ASXL1: variants seen among roughly 807,000 people sequenced by gnomAD.
ASXL1 encodes polycomb group protein ASXL1.
In ASXL1, 65 loss-of-function variants were observed where a neutral mutation model predicts 89.1. The observed-to-expected ratio is 0.73, with a 90% CI of 0.60 to 0.90. The LOEUF (loss-of-function observed/expected upper bound fraction) is 0.90. Ranked by LOEUF, ASXL1 falls within the 40% of genes least tolerant of loss-of-function variation. The probability of loss-of-function intolerance (pLI) is 0.00; values close to 1 mark genes in which losing one functional copy is unlikely to be tolerated. For missense variants in ASXL1, 1,786 were observed against 1,942.9 expected (o/e 0.92, Z 1.52); for synonymous variants, 739 against 746.9 (o/e 0.99, Z 0.17).
rs2123263611 is a variant in ASXL1 at position 32,433,654 on chromosome 20, G to C, written c.1456G>C (p.Val486Leu). The change falls in exon 12 of 13, where the codon GTG (valine) becomes CTG (leucine). Residue 486 changes from valine (V) to leucine (L), a missense_variant. Transcript: ENST00000375687. ...GGGTCCCGAATTCCCAGTTGAGTCTGTGGCTTCTCGGATCCAGGCTGAGCC... is the reference window on the plus strand; with the variant it reads ...GGGTCCCGAATTCCCAGTTGAGTCTCTGGCTTCTCGGATCCAGGCTGAGCC... ...LEGPEFPVESVASRIQAEPDN... is the reference protein window; with the variant it reads ...LEGPEFPVESLASRIQAEPDN... The C allele has an allele frequency of 6.2e-7, 1 of 1,611,824 alleles. No homozygotes were observed. Among genetic ancestry groups the C allele is most frequent in the Non-Finnish European group, 8.5e-7 (1 of 1,178,126 alleles).
chr20:32,394,588 C>A (rs1245418451), intron 4 of ASXL1, among the ~76,000 whole-genome samples: 1 of 152,210 alleles, frequency 6.6e-6, no homozygotes, highest in African/African-American at 2.4e-5. Context: ...TTACAAGAAC[C>A]TTATAGCAGT....
rs755464186 is a variant in ASXL1 at position 32,433,747 on chromosome 20, C to T, written c.1549C>T (p.Gln517Ter). 1.9e-6 allele frequency: 3 copies of T among 1,614,086 alleles called. No individual in the cohort carries two copies. Among genetic ancestry groups the T allele is most frequent in the Non-Finnish European group, 2.5e-6 (3 of 1,179,946 alleles). ...IPSLPQETVD[Q>*]EPKDQKRKSF... Reference sequence around the variant, plus strand: ...TAGCCTGCCTCAGGAAACTGTGGATCAGGAACCCAAGGATCAGAAGAGGAA... The same window carrying T: ...TAGCCTGCCTCAGGAAACTGTGGATTAGGAACCCAAGGATCAGAAGAGGAA... Residue 517 changes from glutamine (Q) to a stop codon, truncating the protein, a stop_gained, in exon 12 of 13, where the codon CAG (glutamine) becomes TAG (stop). Coordinates refer to ENST00000375687, the MANE Select transcript of ASXL1 (RefSeq NM_015338.6). LOFTEE classifies it high-confidence loss of function.
intron 1 of ASXL1, chr20:32,359,784 A>T (rs1174053423): frequency 7.0e-6 from 5 of 717,918 alleles, no homozygotes; most frequent in Non-Finnish European, 1.3e-5. Context: ...GCGTCAGAGG[A>T]CTTGCAGGTG....
rs2048748179 is a variant in ASXL1, at chr20:32,395,591, C to G, written c.252+26468C>G. Among the ~76,000 whole-genome samples, 3 of 152,128 alleles carry G rather than the reference C, an allele frequency of 2.0e-5. No individual in the cohort carries two copies. The South Asian group carries it at 6.2e-4, about 31-fold the overall frequency. On this transcript the variant is annotated intron_variant, in intron 4 of 12. Transcript: ENST00000375687. ...CTTGAAATATTTTTCTTTTGTACTT[C>G]CCCACCGCATCTGGAGTCTGTAATT...
In ASXL1 at chr20:32,437,059, G is replaced by A; in HGVS notation, c.4347G>A (p.Leu1449=). 6.2e-7 allele frequency: 1 copy of A among 1,614,136 alleles called. No homozygotes were observed. Among genetic ancestry groups the A allele is most frequent in the Non-Finnish European group, 8.5e-7 (1 of 1,180,038 alleles). The change falls in exon 13 of 13, where the codon CTG becomes CTA. Residue 1449 remains leucine, a synonymous_variant. Transcript: ENST00000375687. ...ATGGGAAGCTTTCTAAACTCCAACT[G>A]AGTTCCACCAGCTTTAATTATTCCT... ...AFYGKLSKLQ[L]SSTSFNYSSS... is the part of the protein sequence containing the mutation.
At position 32,433,779 on chromosome 20, in the gene ASXL1, T is replaced by A. The variant is rs777942161; in HGVS notation, c.1581T>A (p.Phe527Leu). 1 of 1,614,212 alleles carries A rather than the reference T, an allele frequency of 6.2e-7. No homozygotes were observed. Among genetic ancestry groups the A allele is most frequent in the East Asian group, 2.2e-5 (1 of 44,894 alleles). Reference protein sequence around the residue: ...QEPKDQKRKSFEQAASASFPE... With the variant: ...QEPKDQKRKSLEQAASASFPE... ...CCAAGGATCAGAAGAGGAAATCCTT[T>A]GAGCAGGCGGCCTCTGCATCCTTTC... Residue 527 changes from phenylalanine to leucine, a missense_variant, in exon 12 of 13, where the codon TTT becomes TTA. Around this residue, in one of 3 missense-constraint regions of ASXL1, gnomAD observed 1,418 missense variants for 1,427.8 expected, o/e 0.99. Transcript: ENST00000375687.
At chr20:32,403,251 C>T (rs948282507) in intron 4 of ASXL1, among the ~76,000 whole-genome samples, 4 of 152,134 alleles carry the variant, frequency 2.6e-5, no homozygotes, top group Non-Finnish European at 4.4e-5. Flanking sequence ...GGCTCATTGA[C>T]CTACGCATCT....
chr20:32,429,271 C>A lies in ASXL1; in HGVS notation c.472-67C>A. ...ACAAGAGCGTGAGTAGAGATAGTGT[C>A]GCCAGGGAATGCTTTTGTGGCTCTG... On this transcript the variant is annotated intron_variant, in intron 6 of 12. Coordinates refer to ENST00000375687, the MANE Select transcript of ASXL1 (RefSeq NM_015338.6). This position sits in a 1 kb window ranked among gnomAD's most constrained non-coding sequence, Gnocchi z 4.9. 6.8e-7 allele frequency: 1 copy of A among 1,465,996 alleles called. No homozygotes were observed. The highest frequency in any genetic ancestry group is 1.2e-5 in the South Asian group (1 of 85,308). 90.8% of individuals were successfully genotyped at this position (1,465,996 alleles called of 1,614,324 possible). A position where few individuals can be genotyped will look rare whatever the true frequency, so the allele number is the denominator to read the frequency against.
rs1335820343 is a variant in ASXL1, at chr20:32,433,669, C to T, written c.1471C>T (p.Gln491Ter). ...AGTTGAGTCTGTGGCTTCTCGGATC[C>T]AGGCTGAGCCAGACAACTTGGCACG... ...FPVESVASRI[Q>*]AEPDNLARAS... The change falls in exon 12 of 13, where the codon CAG becomes TAG. Residue 491 changes from glutamine (Q) to a stop codon, truncating the protein, a stop_gained. Transcript: ENST00000375687. LOFTEE classifies it high-confidence loss of function. 1.9e-6 allele frequency: 3 copies of T among 1,610,944 alleles called. No individual in the cohort carries two copies. The highest frequency in any genetic ancestry group is 2.2e-5 in the East Asian group (1 of 44,830).
At chr20:32,399,888 A>G (rs2048843136) in intron 4 of ASXL1, among the ~76,000 whole-genome samples, 1 of 147,824 alleles carries the variant, frequency 6.8e-6, no homozygotes, top group Non-Finnish European at 1.5e-5. Flanking sequence ...CAGCCTCCCG[A>G]GTAGCTGGGA....
intron 4 of ASXL1, among the ~76,000 whole-genome samples, chr20:32,393,870 G>A (rs553161902): frequency 1.3e-4 from 19 of 151,958 alleles, no homozygotes; most frequent in African/African-American, 4.3e-4. Flanking sequence ...TCACTCTGTC[G>A]TCTAGGCTGG....
intron 8 of ASXL1, chr20:32,430,814 AT>A (rs2011491626): frequency 3.0e-6 from 1 of 335,138 alleles, no homozygotes; most frequent in South Asian, 4.2e-5. Flanking sequence ...TAAAAGTAAC[AT>A]TTGCTGAGGC....
intron 4 of ASXL1, among the ~76,000 whole-genome samples, chr20:32,389,493 G>GT (rs1337701625): frequency 6.6e-5 from 10 of 152,080 alleles, no homozygotes; most frequent in African/African-American, 2.2e-4. Flanking sequence ...ACTGAGTATT[G>GT]TGAGTGTATA....
intron 4 of ASXL1, among the ~76,000 whole-genome samples, chr20:32,388,569 C>T (rs2048618791): frequency 1.3e-5 from 2 of 152,106 alleles, no homozygotes; most frequent in African/African-American, 4.8e-5. Flanking sequence ...TTTTCCAGTG[C>T]TCAAGCATCC....
At chr20:32,372,543 T>A in intron 4 of ASXL1, 1 of 351,318 alleles carries the variant, frequency 2.8e-6, no homozygotes, top group Non-Finnish European at 4.2e-6. Context: ...AATATATATT[T>A]AATGAACGAA....
intron 2 of ASXL1, among the ~76,000 whole-genome samples, chr20:32,367,469 A>T (rs976617985): frequency 6.6e-6 from 1 of 152,210 alleles, no homozygotes; most frequent in African/African-American, 2.4e-5. Context: ...CTCAGAGCAA[A>T]CTTCATGTTT....
chr20:32,387,144 A>G (rs2048593392), intron 4 of ASXL1, among the ~76,000 whole-genome samples: 2 of 152,122 alleles, frequency 1.3e-5, no homozygotes, highest in Admixed American at 1.3e-4. Context: ...CTAAAAAAAC[A>G]AAAAAACAAA....
chr20:32,416,841 A>G (rs146733129), intron 4 of ASXL1, among the ~76,000 whole-genome samples: 89 of 152,340 alleles, frequency 5.8e-4, no homozygotes, highest in African/African-American at 2.1e-3. Flanking sequence ...AAACTTATAA[A>G]TCTTTTTTAA....
intron 12 of ASXL1, 151 bp from the exon 13 acceptor site, chr20:32,434,281 C>T (rs1438002343): frequency 2.0e-6 from 2 of 1,021,664 alleles, no homozygotes; most frequent in South Asian, 2.8e-5. Context: ...TGTTATGGCG[C>T]CATTTTACTA....
Sources: gnomAD v4.1 joint callset for allele counts (sites outside exome capture counted in the v4.1 genomes callset) on GRCh38, gnomAD v4.1.1 for gene constraint, gnomAD v4.1.1 regional missense constraint, Gnocchi (gnomAD v3.1) non-coding constraint, MANE v1.5 for transcripts, NCBI Gene and HGNC (gene_info 2026-07-23, HGNC 2026-07-21) for gene names.